Variants in COL4A1 observed in about 807,000 individuals in gnomAD.
The protein encoded by COL4A1 is collagen type IV alpha 1 chain.
COL4A1 carries 40 observed loss-of-function variants against 216.6 expected under a neutral mutation model. The observed-to-expected ratio is 0.18, with a 90% CI of 0.14 to 0.24. The LOEUF (loss-of-function observed/expected upper bound fraction) is 0.24, where lower values mean the gene tolerates loss of function less well. Among genes scored for constraint, COL4A1 ranks in the 10% least tolerant of loss-of-function variants. COL4A1 has a pLI of 1.00. For missense variants in COL4A1, 1,628 were observed against 2,196.8 expected (o/e 0.74, Z 5.18); for synonymous variants, 839 against 810.7 (o/e 1.03, Z -0.59).
chr13:110,296,587 T>C (rs372183630), intron 1 of COL4A1, among the ~76,000 whole-genome samples: 11 of 152,194 alleles, frequency 7.2e-5, no homozygotes, highest in Middle Eastern at 3.2e-3. Context: ...GTGGGAGGTT[T>C]CCCCACATAC....
At chr13:110,213,739 C>T in intron 4 of COL4A1, 43 bp downstream of exon 4, 1 of 1,603,166 alleles carries the variant, frequency 6.2e-7, no homozygotes, top group Non-Finnish European at 8.5e-7. Flanking sequence ...GCGGGCCTGT[C>T]CCACGCATGG....
chr13:110,200,728 A>C, intron 20 of COL4A1, 126 bp downstream of exon 20: 1 of 1,035,136 alleles, frequency 9.7e-7, no homozygotes, highest in South Asian at 1.3e-5. Flanking sequence ...TCACTAGAAA[A>C]GATGTCGTAA....
chr13:110,220,590 A>G (rs1194946163), intron 2 of COL4A1, among the ~76,000 whole-genome samples: 1 of 152,146 alleles, frequency 6.6e-6, no homozygotes, highest in African/African-American at 2.4e-5. Flanking sequence ...GAGCTGTTCT[A>G]TTTCTAGGAG....
At position 110,252,575 on chromosome 13, in the gene COL4A1, AT is replaced by A. The variant is rs1160755932; in HGVS notation, c.85-9842del. ...TACGTATAATTATACGTATATATGTATTATATACGTATAATTATACGTATAT... is the reference window on the plus strand; with the variant it reads ...TACGTATAATTATACGTATATATGTATATATACGTATAATTATACGTATAT... On this transcript the variant is annotated intron_variant, in intron 1 of 51. Transcript: ENST00000375820. Among the ~76,000 whole-genome samples the A allele has an allele frequency of 3.1e-3, 148 of 48,388 alleles. 67 individuals carry two copies. Among genetic ancestry groups the A allele is most frequent in the Admixed American group, 9.2e-3 (31 of 3,384 alleles). The allele number at this position is 48,388 out of a possible 152,430, so 31.7% of individuals were successfully genotyped here.
intron 1 of COL4A1, among the ~76,000 whole-genome samples, chr13:110,260,514 G>T (rs1882771094): frequency 6.6e-6 from 1 of 152,206 alleles, no homozygotes; most frequent in Non-Finnish European, 1.5e-5. Flanking sequence ...AGTAGTCACA[G>T]CCAACTAAAA....
rs1302350374 is a variant in COL4A1 at position 110,253,619 on chromosome 13, CTTATAA to C, written c.85-10891_85-10886del. ...TATACGTATGTATGTATTACATATACTTATAATTATATATGTATGTATGTATTACAT... is the reference window on the plus strand; with the variant it reads ...TATACGTATGTATGTATTACATATACTTATATATGTATGTATGTATTACAT... On this transcript the variant is annotated intron_variant, in intron 1 of 51. Coordinates refer to ENST00000375820, the MANE Select transcript of COL4A1 (RefSeq NM_001845.6). Among the ~76,000 whole-genome samples, 809 of 141,972 alleles carry C rather than the reference CTTATAA, an allele frequency of 5.7e-3. 23 individuals are homozygous for C. Among genetic ancestry groups the C allele is most frequent in the African/African-American group, 0.02 (767 of 38,532 alleles). The allele number at this position is 141,972 out of a possible 152,430, so 93.1% of individuals were successfully genotyped here. A position where few individuals can be genotyped will look rare whatever the true frequency, so the allele number is the denominator to read the frequency against.
At chr13:110,272,374 T>C (rs1883275466) in intron 1 of COL4A1, among the ~76,000 whole-genome samples, 3 of 152,232 alleles carry the variant, frequency 2.0e-5, no homozygotes, top group South Asian at 2.1e-4. Flanking sequence ...TCTCACAGTA[T>C]ATAGTGGACT....
intron 1 of COL4A1, among the ~76,000 whole-genome samples, chr13:110,253,176 TGTAC>T (rs1256859568): frequency 2.8e-5 from 4 of 141,516 alleles, no homozygotes; most frequent in African/African-American, 7.8e-5. Context: ...TATAACTATA[TGTAC>T]GTATGTATTA....
intron 1 of COL4A1, among the ~76,000 whole-genome samples, chr13:110,255,574 GGGGC>G (rs1882479452): frequency 9.7e-5 from 2 of 20,650 alleles, no homozygotes; most frequent in South Asian, 1.6e-3. Context: ...AGGAAGGGAG[GGGGC>G]AGGCAGGCAG....
rs149030506 is a variant in COL4A1, at chr13:110,234,270, G to A, written c.144+8405C>T. ...ACCGATCCACTCTTTCACAAAGGCC[G>A]TTCCTGGCTTCAGAAATAAAAAGGG... On this transcript the variant is annotated intron_variant, in intron 2 of 51. Transcript: ENST00000375820. Among the ~76,000 whole-genome samples the A allele has an allele frequency of 5.9e-3, 902 of 152,280 alleles. 5 individuals carry two copies. The highest frequency in any genetic ancestry group is 9.5e-3 in the Non-Finnish European group (646 of 68,022).
rs1396323313 is a variant in COL4A1 at position 110,306,984 on chromosome 13, G to A, written c.44C>T (p.Ala15Val). The part of the protein sequence containing the change: ...LSVWLLLLPA[A>V]LLLHEEHSRA... ...GCTGTGCTCCTCGTGGAGCAGAAGG[G>A]CGGCGGGCAGCAGCAGCAGCCAGAC... Residue 15 changes from alanine to valine, a missense_variant, in exon 1 of 52, where the codon GCC becomes GTC. Physicochemically the swap from Ala to Val is moderately conservative, Grantham distance 64 (BLOSUM62 0). Transcript: ENST00000375820. 8.8e-6 allele frequency: 13 copies of A among 1,477,470 alleles called. No homozygotes were observed. Among genetic ancestry groups the A allele is most frequent in the East Asian group, 2.9e-5 (1 of 34,652 alleles). 91.5% of individuals were successfully genotyped at this position (1,477,470 alleles called of 1,614,324 possible). A position where few individuals can be genotyped will look rare whatever the true frequency, so the allele number is the denominator to read the frequency against.
intron 20 of COL4A1, among the ~76,000 whole-genome samples, chr13:110,198,841 A>C (rs7318502): frequency 1.3e-5 from 2 of 152,240 alleles, no homozygotes; most frequent in African/African-American, 4.8e-5. Flanking sequence ...TTAACTTCAA[A>C]GAACAGGGAC....
chr13:110,164,825 C>T, intron 46 of COL4A1, 37 bp downstream of exon 46: 1 of 1,610,424 alleles, frequency 6.2e-7, no homozygotes, highest in Non-Finnish European at 8.5e-7. Flanking sequence ...CCCCTCTGGG[C>T]TCCCCATACC....
At chr13:110,269,722 G>A (rs950030116) in intron 1 of COL4A1, among the ~76,000 whole-genome samples, 1 of 151,990 alleles carries the variant, frequency 6.6e-6, no homozygotes, top group African/African-American at 2.4e-5. Context: ...GCTGACCACA[G>A]GGCGCATCCC....
intron 1 of COL4A1, among the ~76,000 whole-genome samples, chr13:110,255,577 GC>G (rs1309055538): frequency 5.4e-5 from 1 of 18,588 alleles, no homozygotes; most frequent in Non-Finnish European, 1.2e-4. Flanking sequence ...AAGGGAGGGG[GC>G]AGGCAGGCAG....
rs766901017 is a variant in COL4A1, at chr13:110,166,214, A to C, written c.4021+18T>G. On this transcript the variant is annotated intron_variant, in intron 45 of 51. Transcript: ENST00000375820. Reference sequence around the variant, plus strand: ...CAAAGCACCAGTAAGGTGTCCACAGATCAACAAACTCTCCTACCTTTAGCT... The same window carrying C: ...CAAAGCACCAGTAAGGTGTCCACAGCTCAACAAACTCTCCTACCTTTAGCT... The C allele has an allele frequency of 3.3e-6, 5 of 1,506,418 alleles. No individual in the cohort carries two copies. Among genetic ancestry groups the C allele is most frequent in the Non-Finnish European group, 4.6e-6 (5 of 1,081,508 alleles). 93.3% of individuals were successfully genotyped at this position (1,506,418 alleles called of 1,614,324 possible).
chr13:110,302,591 C>T (rs1884538343), intron 1 of COL4A1, among the ~76,000 whole-genome samples: 1 of 152,112 alleles, frequency 6.6e-6, no homozygotes, highest in Non-Finnish European at 1.5e-5. Flanking sequence ...AGAGTTAGGA[C>T]CAGGAGAACA....
At position 110,206,906 on chromosome 13, in the gene COL4A1, G is replaced by C. The variant is rs374238056; in HGVS notation, c.781-15C>G. ...CCTTTTTGGCCCTGAAAGAATTCGA[G>C]AGACAGATCAGCACTATCAAACAGC... On this transcript the variant is annotated splice_polypyrimidine_tract_variant and intron_variant, in intron 13 of 51. Coordinates refer to ENST00000375820, the MANE Select transcript of COL4A1 (RefSeq NM_001845.6). 13 of 1,613,466 alleles carry C rather than the reference G, an allele frequency of 8.1e-6. No homozygotes were observed. The highest frequency in any genetic ancestry group is 8.0e-5 in the African/African-American group (6 of 74,774).
intron 2 of COL4A1, among the ~76,000 whole-genome samples, chr13:110,229,998 C>T (rs945661008): frequency 6.6e-6 from 1 of 152,190 alleles, no homozygotes; most frequent in Non-Finnish European, 1.5e-5. Flanking sequence ...CTCCTGTCCC[C>T]TTCCACAGCA....
Sources: gnomAD v4.1 joint callset for allele counts (sites outside exome capture counted in the v4.1 genomes callset) on GRCh38, gnomAD v4.1.1 for gene constraint, MANE v1.5 for transcripts, NCBI Gene and HGNC (gene_info 2026-07-23, HGNC 2026-07-21) for gene names.